The following LHPP variants were observed in gnomAD, a reference collection of about 807,000 sequenced individuals.
The protein encoded by LHPP is hLHPP.
LHPP carries 24 observed loss-of-function variants against 30.3 expected under a neutral mutation model. The ratio of observed to expected loss-of-function variants is 0.79; its 90% CI spans 0.57 to 1.11. The LOEUF is 1.11. Among genes scored for constraint, LHPP ranks in the 50% most tolerant of loss-of-function variants. The probability of loss-of-function intolerance (pLI) is 0.00; values close to 1 mark genes in which losing one functional copy is unlikely to be tolerated. For synonymous variants in LHPP, 150 were observed against 157.1 expected, an observed-to-expected ratio of 0.95 and a Z score of 0.34; for missense variants, 356 against 367.2, an observed-to-expected ratio of 0.97 and a Z score of 0.25.
At chr10:124,493,144 G>A (rs11245192) in intron 3 of LHPP, among the ~76,000 whole-genome samples, 45,812 of 151,180 alleles carry the variant, frequency 0.3, 7,150 homozygotes, top group Middle Eastern at 0.41. Context: ...GGAAGCAGTC[G>A]CTTTCAGCTT....
chr10:124,545,527 C>T (rs1463644922), intron 6 of LHPP, among the ~76,000 whole-genome samples: 3 of 152,198 alleles, frequency 2.0e-5, no homozygotes, highest in Non-Finnish European at 4.4e-5. Flanking sequence ...CTGGCAGCCT[C>T]CTGAGCGGCA....
chr10:124,465,332 G>A (rs375236011), intron 1 of LHPP, among the ~76,000 whole-genome samples: 11 of 152,082 alleles, frequency 7.2e-5, no homozygotes, highest in Non-Finnish European at 1.0e-4. Context: ...AGAGGTGTCC[G>A]GACTTTATCC....
chr10:124,530,150 C>T lies in LHPP; in HGVS notation c.716+12879C>T, dbSNP rs1451287647. On this transcript the variant is annotated intron_variant, in intron 6 of 6. Coordinates refer to ENST00000368842, the MANE Select transcript of LHPP (RefSeq NM_022126.4). The stretch of plus-strand genomic sequence containing the variant: ...CAGGGGCCAGCAAGGATCCCCAGGC[C>T]CCCAGGGCAGTGTGCATCCGGCCTT... Among the ~76,000 whole-genome samples the T allele has an allele frequency of 2.0e-5, 3 of 152,288 alleles. No homozygotes were observed. In the South Asian group the frequency reaches 6.2e-4, roughly 32 times the overall value.
At chr10:124,499,230 A>G (rs542206571) in intron 5 of LHPP, among the ~76,000 whole-genome samples, 1 of 151,992 alleles carries the variant, frequency 6.6e-6, no homozygotes, top group South Asian at 2.1e-4. Context: ...CATGTTGCCC[A>G]GGCTGGTTTT....
Position 124,576,481 on chromosome 10 carries a change from G to GCTCCCA in LHPP, c.717-36777_717-36772dup, listed in dbSNP as rs1948663992. 1.9e-5 allele frequency among the ~76,000 whole-genome samples: 2 copies of GCTCCCA among 103,826 alleles called. No individual in the cohort carries two copies. Among genetic ancestry groups the GCTCCCA allele is most frequent in the South Asian group, 3.0e-4 (1 of 3,298 alleles). 68.1% of individuals were successfully genotyped at this position (103,826 alleles called of 152,430 possible). On this transcript the variant is annotated intron_variant, in intron 6 of 6. Coordinates refer to ENST00000368842, the MANE Select transcript of LHPP (RefSeq NM_022126.4). This position sits in a 1 kb window ranked among gnomAD's most constrained non-coding sequence, Gnocchi z 4.2. ...CCTGCCTCCAGAACCCCTATATCTT[G>GCTCCCA]CTCCCACTCCCTACCATATGCTGTT...
At chr10:124,536,709 G>C (rs1407410204) in intron 6 of LHPP, among the ~76,000 whole-genome samples, 1 of 152,210 alleles carries the variant, frequency 6.6e-6, no homozygotes, top group Non-Finnish European at 1.5e-5. Flanking sequence ...AGGGACCCCT[G>C]AAGGCAGGAA....
In LHPP at chr10:124,488,471, G is replaced by A. The variant is rs1358402300; in HGVS notation, c.363G>A (p.Val121=). 1 of 1,613,870 alleles carries A rather than the reference G, an allele frequency of 6.2e-7. No homozygotes were observed. Among genetic ancestry groups the A allele is most frequent in the East Asian group, 2.2e-5 (1 of 44,882 alleles). The change falls in exon 3 of 7, where the codon GTG becomes GTA. Residue 121 remains valine (V), a synonymous_variant. Coordinates refer to ENST00000368842, the MANE Select transcript of LHPP (RefSeq NM_022126.4). ...TCGACACATCCAACCCAAACTGTGTGGTAATTGCAGACGCAGGAGAAAGCT... is the reference window on the plus strand; with the variant it reads ...TCGACACATCCAACCCAAACTGTGTAGTAATTGCAGACGCAGGAGAAAGCT... ...DQIDTSNPNC[V]VIADAGESFS...
chr10:124,613,469 A>T lies in LHPP; in HGVS notation c.*109A>T. 1 of 636,670 alleles carries T rather than the reference A, an allele frequency of 1.6e-6. No individual in the cohort carries two copies. The highest frequency in any genetic ancestry group is 2.6e-6 in the Non-Finnish European group (1 of 390,198). The allele number at this position is 636,670 out of a possible 1,614,324, so 39.4% of individuals were successfully genotyped here. ...CGCCCAGGAGAGCCCCACCTCCTCC[A>T]CCCCTGCCTCTCCTCCACCCCTGCC... On this transcript the variant is annotated 3_prime_UTR_variant, in exon 7 of 7. Coordinates refer to ENST00000368842, the MANE Select transcript of LHPP (RefSeq NM_022126.4).
At chr10:124,499,395 A>G (rs967725533) in intron 5 of LHPP, among the ~76,000 whole-genome samples, 8 of 151,596 alleles carry the variant, frequency 5.3e-5, no homozygotes, top group African/African-American at 9.7e-5. Flanking sequence ...TGTAGTCCCA[A>G]CACTTTGGGA....
At chr10:124,486,745 C>T (rs1041117107) in intron 2 of LHPP, among the ~76,000 whole-genome samples, 2 of 152,244 alleles carry the variant, frequency 1.3e-5, no homozygotes, top group East Asian at 1.9e-4. Context: ...CAAACTGATA[C>T]AGCTGGGCCA....
At chr10:124,539,509 C>G (rs562576097) in intron 6 of LHPP, among the ~76,000 whole-genome samples, 1 of 152,202 alleles carries the variant, frequency 6.6e-6, no homozygotes, top group South Asian at 2.1e-4. Flanking sequence ...GCTTGTAATC[C>G]CAGCACTTTG....
intron 6 of LHPP, among the ~76,000 whole-genome samples, chr10:124,607,535 G>A (rs571628218): frequency 7.2e-5 from 11 of 152,344 alleles, no homozygotes; most frequent in African/African-American, 1.9e-4. Flanking sequence ...GTACACGTGC[G>A]GAGTGGGGCT....
At chr10:124,595,477 C>T (rs928208601) in intron 6 of LHPP, among the ~76,000 whole-genome samples, 6 of 152,226 alleles carry the variant, frequency 3.9e-5, no homozygotes, top group Non-Finnish European at 5.9e-5. Context: ...AGGCCATTCA[C>T]GTCCCTCACA....
At chr10:124,505,439 C>G (rs1954036194) in intron 5 of LHPP, among the ~76,000 whole-genome samples, 1 of 152,168 alleles carries the variant, frequency 6.6e-6, no homozygotes, top group Non-Finnish European at 1.5e-5. Context: ...TCCCGAGACC[C>G]TGACCTGCTT....
intron 6 of LHPP, among the ~76,000 whole-genome samples, chr10:124,582,936 G>A (rs1948760778): frequency 6.6e-6 from 1 of 152,162 alleles, no homozygotes; most frequent in African/African-American, 2.4e-5. Context: ...TTCACATTGA[G>A]TAGGATGTGA....
intron 6 of LHPP, among the ~76,000 whole-genome samples, chr10:124,563,189 T>G (rs1397365743): frequency 6.6e-6 from 1 of 152,176 alleles, no homozygotes; most frequent in Non-Finnish European, 1.5e-5. Flanking sequence ...CGTTGCAGTT[T>G]TATTGATAAT....
chr10:124,555,375 G>C (rs1948279702), intron 6 of LHPP, among the ~76,000 whole-genome samples: 1 of 152,176 alleles, frequency 6.6e-6, no homozygotes, highest in Non-Finnish European at 1.5e-5. Flanking sequence ...CTCCTCCCTG[G>C]AGGAAGGGAG....
At chr10:124,512,066 C>G (rs1954314120) in intron 5 of LHPP, among the ~76,000 whole-genome samples, 1 of 152,130 alleles carries the variant, frequency 6.6e-6, no homozygotes, top group African/African-American at 2.4e-5. Context: ...TATCCCAGGC[C>G]CTGATGATGA....
At chr10:124,473,720 A>T (rs1952858516) in intron 1 of LHPP, among the ~76,000 whole-genome samples, 1 of 152,200 alleles carries the variant, frequency 6.6e-6, no homozygotes, top group Admixed American at 6.5e-5. Context: ...TGGGAGGCCG[A>T]GGCAAGTGGA....
Sources: gnomAD v4.1 joint callset for allele counts (sites outside exome capture counted in the v4.1 genomes callset) on GRCh38, gnomAD v4.1.1 for gene constraint, Gnocchi (gnomAD v3.1) non-coding constraint, MANE v1.5 for transcripts, NCBI Gene and HGNC (gene_info 2026-07-23, HGNC 2026-07-21) for gene names.